The following SLCO1C1 variants were observed in gnomAD, a reference collection of about 807,000 sequenced individuals.
The protein encoded by SLCO1C1 is solute carrier organic anion transporter family member 1C1, also known as OAT-RP-5.
A neutral mutation model predicts 76.4 loss-of-function variants in SLCO1C1; 70 were observed. The ratio of observed to expected loss-of-function variants is 0.92; its 90% CI spans 0.76 to 1.12. The LOEUF (loss-of-function observed/expected upper bound fraction) is 1.12. Among genes scored for constraint, SLCO1C1 ranks in the 50% most tolerant of loss-of-function variants. The pLI is 0.00. For synonymous variants in SLCO1C1, 306 were observed against 286.1 expected, an observed-to-expected ratio of 1.07 and a Z score of -0.70; for missense variants, 912 against 823.8, an observed-to-expected ratio of 1.11 and a Z score of -1.31.
chr12:20,737,735 G>T (rs1948615421), intron 11 of SLCO1C1, among the ~76,000 whole-genome samples: 1 of 152,054 alleles, frequency 6.6e-6, no homozygotes, highest in Non-Finnish European at 1.5e-5. Flanking sequence ...GAGGTTGATG[G>T]TTCTAGGACA....
At chr12:20,700,785 C>A (rs1017564163) in intron 2 of SLCO1C1, among the ~76,000 whole-genome samples, 1 of 152,034 alleles carries the variant, frequency 6.6e-6, no homozygotes, top group Non-Finnish European at 1.5e-5. Context: ...GACATGTTTT[C>A]CATTGAGAAA....
intron 3 of SLCO1C1, among the ~76,000 whole-genome samples, chr12:20,704,689 G>T (rs922097172): frequency 1.3e-5 from 2 of 149,684 alleles, no homozygotes; most frequent in Non-Finnish European, 3.0e-5. Flanking sequence ...ACTAAAGCTG[G>T]CAATGTGCGT....
intron 9 of SLCO1C1, among the ~76,000 whole-genome samples, chr12:20,724,682 C>T (rs559126258): frequency 6.1e-5 from 9 of 148,094 alleles, no homozygotes; most frequent in Non-Finnish European, 1.3e-4. Flanking sequence ...GAAGTGAAAT[C>T]TATGAGATTA....
Position 20,723,208 on chromosome 12 carries a change from T to C in SLCO1C1, c.1140T>C (p.Ile380=), listed in dbSNP as rs140218800. ...TGGTGACGTACAAACCAAAGTACATTGAGCAGCAGTATGGACAGTCATCCT... is the reference window on the plus strand; with the variant it reads ...TGGTGACGTACAAACCAAAGTACATCGAGCAGCAGTATGGACAGTCATCCT... ...FGMVTYKPKY[I]EQQYGQSSSR... The change falls in exon 9 of 15, where the codon ATT becomes ATC. Residue 380 remains isoleucine, a synonymous_variant. Coordinates refer to ENST00000266509, the MANE Select transcript of SLCO1C1 (RefSeq NM_017435.5). 1.2e-6 allele frequency: 2 copies of C among 1,613,936 alleles called. No individual in the cohort carries two copies. Among genetic ancestry groups the C allele is most frequent in the Non-Finnish European group, 1.7e-6 (2 of 1,180,002 alleles).
intron 9 of SLCO1C1, among the ~76,000 whole-genome samples, chr12:20,726,095 T>G (rs1288645714): frequency 6.6e-6 from 1 of 152,098 alleles, no homozygotes. Flanking sequence ...CACCCTTACT[T>G]TGATTATTTG....
At chr12:20,715,427 T>G in intron 6 of SLCO1C1, 142 bp downstream of exon 6, 1 of 926,456 alleles carries the variant, frequency 1.1e-6, no homozygotes, top group South Asian at 1.8e-5. Context: ...ATTTCTGAAG[T>G]GCACAGTTCA....
chr12:20,708,023 A>T (rs1946869871), intron 4 of SLCO1C1, among the ~76,000 whole-genome samples: 1 of 152,152 alleles, frequency 6.6e-6, no homozygotes, highest in South Asian at 2.1e-4. Flanking sequence ...AATAGAACAA[A>T]AACACACACA....
intron 4 of SLCO1C1, among the ~76,000 whole-genome samples, chr12:20,710,320 G>T (rs2120669877): frequency 6.8e-6 from 1 of 147,568 alleles, no homozygotes; most frequent in Non-Finnish European, 1.5e-5. Flanking sequence ...CCATTCTCCT[G>T]CCTCAGCCTC....
intron 14 of SLCO1C1, among the ~76,000 whole-genome samples, chr12:20,752,044 C>T (rs1949331953): frequency 6.6e-6 from 1 of 151,962 alleles, no homozygotes; most frequent in Non-Finnish European, 1.5e-5. Flanking sequence ...GATATGGTTA[C>T]CTGGTCTAAG....
chr12:20,752,131 C>T (rs941850954), intron 14 of SLCO1C1, among the ~76,000 whole-genome samples, 175 bp from the exon 15 acceptor site: 1 of 152,078 alleles, frequency 6.6e-6, no homozygotes, highest in African/African-American at 2.4e-5. Context: ...TAAGACATTG[C>T]TTTATTTTAT....
rs1323620336 is a variant in SLCO1C1, at chr12:20,711,541, AGCTTTT to A, written c.529+32_529+37del. 5 of 1,605,416 alleles carry A rather than the reference AGCTTTT, an allele frequency of 3.1e-6. No individual in the cohort carries two copies. The Admixed American group carries it at 5.1e-5, about 16-fold the overall frequency. On this transcript the variant is annotated intron_variant, in intron 5 of 14. Coordinates refer to ENST00000266509, the MANE Select transcript of SLCO1C1 (RefSeq NM_017435.5). ...ATCATTTTTTTGACTTGACTAAACA[AGCTTTT>A]AAAAAAAAGACTTTATATGTGCTTT... is the stretch of plus-strand genomic sequence containing the variant.
chr12:20,737,348 G>A lies in SLCO1C1; in HGVS notation c.1548+76G>A, dbSNP rs113565086. 3.5e-6 allele frequency: 5 copies of A among 1,423,102 alleles called. No homozygotes were observed. The African/African-American group carries it at 4.5e-5, about 13-fold the overall frequency. 88.2% of individuals were successfully genotyped at this position (1,423,102 alleles called of 1,614,324 possible). A position where few individuals can be genotyped will look rare whatever the true frequency, so the allele number is the denominator to read the frequency against. On this transcript the variant is annotated intron_variant, in intron 11 of 14. Coordinates refer to ENST00000266509, the MANE Select transcript of SLCO1C1 (RefSeq NM_017435.5). ...CAACAAAACTCTATGGGGGCTCACA[G>A]CAGACCACTACTAGTAGGAGGCTTG...
chr12:20,732,841 A>G (rs1948353059), intron 9 of SLCO1C1, 68 bp from the exon 10 acceptor site: 2 of 1,513,824 alleles, frequency 1.3e-6, no homozygotes. Flanking sequence ...GTCTTTAGAA[A>G]GTTTGTGTTA....
chr12:20,748,837 T>C (rs894967611), intron 13 of SLCO1C1, among the ~76,000 whole-genome samples: 1 of 152,222 alleles, frequency 6.6e-6, no homozygotes, highest in Non-Finnish European at 1.5e-5. Flanking sequence ...TGATGCTTAG[T>C]AAATCATATC....
intron 14 of SLCO1C1, among the ~76,000 whole-genome samples, chr12:20,751,192 T>C (rs940226736): frequency 2.0e-5 from 3 of 152,122 alleles, no homozygotes; most frequent in African/African-American, 7.2e-5. Flanking sequence ...TCAGATATAA[T>C]ACCCCTGGGC....
chr12:20,731,286 A>G (rs1004050412), intron 9 of SLCO1C1, among the ~76,000 whole-genome samples: 12 of 152,124 alleles, frequency 7.9e-5, no homozygotes, highest in Admixed American at 5.2e-4. Flanking sequence ...ATCTCCCACA[A>G]TATATATTTT....
At chr12:20,705,382 A>G (rs531718416) in intron 3 of SLCO1C1, among the ~76,000 whole-genome samples, 3 of 151,928 alleles carry the variant, frequency 2.0e-5, no homozygotes, top group Non-Finnish European at 4.4e-5. Context: ...AATAATTTTT[A>G]TTTCTATTTT....
intron 7 of SLCO1C1, among the ~76,000 whole-genome samples, chr12:20,718,784 A>T (rs1454682122): frequency 1.3e-5 from 2 of 152,190 alleles, no homozygotes; most frequent in African/African-American, 4.8e-5. Context: ...GGTCTCTTAC[A>T]GAACCTGAGA....
At chr12:20,710,200 CT>C (rs914645913) in intron 4 of SLCO1C1, among the ~76,000 whole-genome samples, 81 of 75,478 alleles carry the variant, frequency 1.1e-3, no homozygotes, top group Middle Eastern at 0.01. Flanking sequence ...CTCTACTTTT[CT>C]TTTTTTTTTT....
Sources: gnomAD v4.1 joint callset for allele counts (sites outside exome capture counted in the v4.1 genomes callset) on GRCh38, gnomAD v4.1.1 for gene constraint, MANE v1.5 for transcripts, NCBI Gene and HGNC (gene_info 2026-07-23, HGNC 2026-07-21) for gene names.